SPRY3: variants seen among roughly 807,000 people sequenced by gnomAD.
SPRY3 encodes protein sprouty homolog 3.
SPRY3 carries 15 observed loss-of-function variants against 20.2 expected under a neutral mutation model. The ratio of observed to expected loss-of-function variants is 0.74; its 90% CI spans 0.50 to 1.14. The LOEUF is 1.14. Ranked by LOEUF, SPRY3 falls within the 50% of genes most tolerant of loss-of-function variation. SPRY3 has a pLI of 0.00. For synonymous variants in SPRY3, 143 were observed against 136.5 expected (o/e 1.05, Z -0.33); for missense variants, 364 against 363.9 (o/e 1.00, Z 0.00).
intron 2 of SPRY3, among the ~76,000 whole-genome samples, chrX:155,765,447 TAGGTTA>T (rs1482590355): frequency 6.6e-6 from 1 of 152,164 alleles, no homozygotes; most frequent in Admixed American, 6.5e-5. Context: ...GAGAATTAAA[TAGGTTA>T]AAACATGTAA....
chrX:155,662,037 T>G (rs1242689521), intron 2 of SPRY3, among the ~76,000 whole-genome samples: 3 of 112,384 alleles, frequency 2.7e-5, no homozygotes, highest in African/African-American at 9.7e-5. Context: ...TTATTTGCCA[T>G]TGCAGAATTT....
chrX:155,656,689 A>T (rs782238354), intron 1 of SPRY3, among the ~76,000 whole-genome samples: 2 of 111,046 alleles, frequency 1.8e-5, no homozygotes, highest in South Asian at 7.6e-4. Flanking sequence ...TGGTTTTTGG[A>T]ATTTTCAGCC....
At chrX:155,654,351 A>G (rs1204452975) in intron 1 of SPRY3, among the ~76,000 whole-genome samples, 1 of 111,617 alleles carries the variant, frequency 9.0e-6, no homozygotes, top group African/African-American at 3.2e-5. Flanking sequence ...TTTAGGAGAT[A>G]GAAGTGCCAT....
intron 2 of SPRY3, among the ~76,000 whole-genome samples, chrX:155,743,951 T>C (rs982329228): frequency 1.3e-5 from 2 of 152,106 alleles, no homozygotes; most frequent in Admixed American, 1.3e-4. Flanking sequence ...TGTTTTCATA[T>C]CCCAATTTTC....
Position 155,688,550 on chromosome X carries a change from T to A in SPRY3, c.-282+31525T>A, listed in dbSNP as rs182032733. 4.0e-3 allele frequency among the ~76,000 whole-genome samples: 443 copies of A among 111,304 alleles called. 4 individuals are homozygous for A. Among genetic ancestry groups the A allele is most frequent in the African/African-American group, 0.013 (401 of 30,639 alleles). On this transcript the variant is annotated intron_variant, in intron 2 of 3. Coordinates refer to ENST00000675360, the Ensembl canonical transcript of SPRY3. ...TCAAAACCTTTCCAGCATCTGTTATTTTTTTGACTTTTTAATAATAGCCAT... is the reference window on the plus strand; with the variant it reads ...TCAAAACCTTTCCAGCATCTGTTATATTTTTGACTTTTTAATAATAGCCAT...
chrX:155,634,077 C>CAAA (rs782158546), intron 1 of SPRY3, among the ~76,000 whole-genome samples: 2 of 97,050 alleles, frequency 2.1e-5, no homozygotes, highest in African/African-American at 7.5e-5. Flanking sequence ...GAGACTCCAT[C>CAAA]AAAAAAAAAA....
At chrX:155,617,836 A>G (rs1443515832) in intron 1 of SPRY3, among the ~76,000 whole-genome samples, 1 of 112,008 alleles carries the variant, frequency 8.9e-6, no homozygotes, top group Non-Finnish European at 1.9e-5. Flanking sequence ...GCCGACATAT[A>G]TTATGGTCAT....
intron 2 of SPRY3, among the ~76,000 whole-genome samples, chrX:155,718,310 A>G (rs1048661448): frequency 6.6e-6 from 1 of 152,182 alleles, no homozygotes; most frequent in Non-Finnish European, 1.5e-5. Flanking sequence ...TCTTGACAAA[A>G]AAAGATTGTG....
intron 2 of SPRY3, among the ~76,000 whole-genome samples, chrX:155,728,428 T>C (rs544712449): frequency 2.6e-5 from 4 of 152,192 alleles, no homozygotes; most frequent in Admixed American, 2.6e-4. Flanking sequence ...GTGGAGTCTA[T>C]ATAGGCAGTA....
At chrX:155,722,473 A>G (rs2091066126) in intron 2 of SPRY3, among the ~76,000 whole-genome samples, 1 of 152,158 alleles carries the variant, frequency 6.6e-6, no homozygotes, top group Non-Finnish European at 1.5e-5. Flanking sequence ...GTGAGCCAAG[A>G]TCATGCCTCT....
chrX:155,758,878 T>C (rs59817403), intron 2 of SPRY3, among the ~76,000 whole-genome samples: 1,922 of 152,236 alleles, frequency 0.013, 36 homozygotes, highest in East Asian at 0.043. Flanking sequence ...AGTAAAAACC[T>C]AAATAAGTTT....
chrX:155,773,838 T>C (rs1317860058), exon 4 of SPRY3: 1 of 1,597,218 alleles, frequency 6.3e-7, no homozygotes, highest in South Asian at 1.1e-5. Flanking sequence ...CCACCCTGAC[T>C]TAAAACCACT....
intron 2 of SPRY3, among the ~76,000 whole-genome samples, chrX:155,755,397 T>C (rs1360696424): frequency 6.6e-6 from 1 of 152,082 alleles, no homozygotes; most frequent in African/African-American, 2.4e-5. Flanking sequence ...TTAACCCTAA[T>C]GTAGAGAAGT....
intron 3 of SPRY3, among the ~76,000 whole-genome samples, chrX:155,768,652 A>AC (rs1177132649): frequency 1.3e-5 from 2 of 151,792 alleles, no homozygotes; most frequent in Non-Finnish European, 2.9e-5. Flanking sequence ...ACACGGCAGA[A>AC]CCCCCCACTT....
At chrX:155,637,625 T>A (rs1012535076) in intron 1 of SPRY3, among the ~76,000 whole-genome samples, 2 of 111,561 alleles carry the variant, frequency 1.8e-5, no homozygotes, top group East Asian at 5.6e-4. Flanking sequence ...ATCAGGCCTG[T>A]GCTCCCTCCT....
chrX:155,697,920 G>A (rs644138), intron 2 of SPRY3, among the ~76,000 whole-genome samples: 48,963 of 109,675 alleles, frequency 0.45, 10,328 homozygotes, highest in African/African-American at 0.83. Flanking sequence ...TAGTGAATAT[G>A]TGGTTCATAT....
chrX:155,654,257 G>A (rs1330297845), intron 1 of SPRY3, among the ~76,000 whole-genome samples: 2 of 111,942 alleles, frequency 1.8e-5, no homozygotes, highest in African/African-American at 6.5e-5. Flanking sequence ...TATATTTAAA[G>A]TGGTTATTGA....
At chrX:155,676,963 G>T (rs2068060327) in intron 2 of SPRY3, among the ~76,000 whole-genome samples, 1 of 111,326 alleles carries the variant, frequency 9.0e-6, no homozygotes. Context: ...AGACATCTTG[G>T]GCCTCTTTTG....
intron 2 of SPRY3, among the ~76,000 whole-genome samples, chrX:155,692,414 T>C (rs1450843854): frequency 1.8e-5 from 2 of 111,742 alleles, no homozygotes; most frequent in African/African-American, 6.5e-5. Context: ...CTTTCACCAA[T>C]GTCTAGCTCT....
Sources: allele counts gnomAD v4.1 joint callset (sites outside exome capture counted in the v4.1 genomes callset), GRCh38; gene constraint gnomAD v4.1.1; transcripts MANE v1.5; gene names NCBI Gene and HGNC (gene_info 2026-07-23, HGNC 2026-07-21).